NGFR: variants seen among roughly 807,000 people sequenced by gnomAD.
NGFR encodes tumor necrosis factor receptor superfamily member 16.
A neutral mutation model predicts 43.2 loss-of-function variants in NGFR; 30 were observed. That is an observed-to-expected ratio of 0.69 (90% confidence interval 0.52 to 0.94). The LOEUF (loss-of-function observed/expected upper bound fraction) is 0.94. Among genes scored for constraint, NGFR ranks in the 40% least tolerant of loss-of-function variants. The pLI is 0.00. For missense variants in NGFR, 529 were observed against 602.5 expected (o/e 0.88, Z 1.28); for synonymous variants, 246 against 259.6 (o/e 0.95, Z 0.50).
In NGFR at chr17:49,512,229, G is replaced by A. The variant is rs1423172519; in HGVS notation, c.982+177G>A. Among the ~76,000 whole-genome samples, 2 of 152,212 alleles carry A rather than the reference G, an allele frequency of 1.3e-5. No homozygotes were observed. Among genetic ancestry groups the A allele is most frequent in the African/African-American group, 4.8e-5 (2 of 41,446 alleles). On this transcript the variant is annotated intron_variant, in intron 5 of 5. Transcript: ENST00000172229. This position sits in a 1 kb window ranked among gnomAD's most constrained non-coding sequence, Gnocchi z 5.2. ...TGGGAGGGAGAGGTCCTCTCTAGAGGAACGACTTGGGAAATGGAGGCTTTT... is the reference window on the plus strand; with the variant it reads ...TGGGAGGGAGAGGTCCTCTCTAGAGAAACGACTTGGGAAATGGAGGCTTTT...
At chr17:49,503,527 C>A (rs972688052) in intron 2 of NGFR, among the ~76,000 whole-genome samples, 3 of 152,196 alleles carry the variant, frequency 2.0e-5, no homozygotes, top group Non-Finnish European at 4.4e-5. Flanking sequence ...TCTGAACCCA[C>A]CTGCGGACCT....
intron 2 of NGFR, 89 bp downstream of exon 2, chr17:49,502,293 C>T (rs1452453601): frequency 7.8e-6 from 11 of 1,403,632 alleles, no homozygotes; most frequent in African/African-American, 1.4e-5. Flanking sequence ...GAAGCATGCC[C>T]AGTAGAGGCC....
rs1350947199 is a variant in NGFR, at chr17:49,506,499, T to A, written c.409T>A (p.Ser137Thr). The change falls in exon 3 of 6, where the codon TCC becomes ACC. Residue 137 changes from serine to threonine, a missense_variant. Physicochemically the swap from Ser to Thr is moderately conservative, Grantham distance 58. Transcript: ENST00000172229. ...VCEAGSGLVF[S>T]CQDKQNTVCE... ...CGAGGCGGGCTCGGGCCTCGTGTTCTCCTGCCAGGACAAGCAGAACACCGT... is the reference window on the plus strand; with the variant it reads ...CGAGGCGGGCTCGGGCCTCGTGTTCACCTGCCAGGACAAGCAGAACACCGT... The A allele has an allele frequency of 1.2e-6, 2 of 1,611,270 alleles. No homozygotes were observed. The highest frequency in any genetic ancestry group is 1.7e-6 in the Non-Finnish European group (2 of 1,179,528).
At chr17:49,502,277 T>G in intron 2 of NGFR, 73 bp downstream of exon 2, 2 of 1,475,174 alleles carry the variant, frequency 1.4e-6, no homozygotes, top group Non-Finnish European at 1.8e-6. Flanking sequence ...GGAGGGGCGC[T>G]GGGGAGAAGC....
At chr17:49,505,018 C>T (rs1019239251) in intron 2 of NGFR, among the ~76,000 whole-genome samples, 1 of 152,118 alleles carries the variant, frequency 6.6e-6, no homozygotes, top group East Asian at 1.9e-4. Context: ...GTGATCTGCT[C>T]GCCTTGGCCT....
At chr17:49,499,654 C>T (rs2071156459) in intron 1 of NGFR, among the ~76,000 whole-genome samples, 1 of 152,162 alleles carries the variant, frequency 6.6e-6, no homozygotes, top group African/African-American at 2.4e-5. Flanking sequence ...GTGGCACGAT[C>T]TCGACTCACT....
In NGFR at chr17:49,512,169, C is replaced by A; in HGVS notation, c.982+117C>A. 7.8e-7 allele frequency: 1 copy of A among 1,275,216 alleles called. No individual in the cohort carries two copies. 79.0% of individuals were successfully genotyped at this position (1,275,216 alleles called of 1,614,324 possible). A position where few individuals can be genotyped will look rare whatever the true frequency, so the allele number is the denominator to read the frequency against. On this transcript the variant is annotated intron_variant, in intron 5 of 5. Coordinates refer to ENST00000172229, the MANE Select transcript of NGFR (RefSeq NM_002507.4). This position sits in a 1 kb window ranked among gnomAD's most constrained non-coding sequence, Gnocchi z 5.2. ...GGCGGCAGGGCTGGCTCAGCGGTGC[C>A]CCTGTAGATGGATGGAGAGGCTGGC...
intron 4 of NGFR, 33 bp from the exon 5 acceptor site, chr17:49,511,859 C>A (rs1359572138): frequency 6.5e-7 from 1 of 1,549,922 alleles, no homozygotes; most frequent in Non-Finnish European, 8.7e-7. Flanking sequence ...CAGCCCCTCG[C>A]CCCCTGAAAC....
intron 1 of NGFR, among the ~76,000 whole-genome samples, chr17:49,499,495 G>A (rs770584506): frequency 5.3e-5 from 8 of 152,308 alleles, no homozygotes; most frequent in African/African-American, 1.7e-4. Context: ...TCAGAGTGGC[G>A]TGAGAGCTCA....
Position 49,513,532 on chromosome 17 carries a change from C to T in NGFR, c.*523C>T, listed in dbSNP as rs558274908. On this transcript the variant is annotated 3_prime_UTR_variant, in exon 6 of 6. Transcript: ENST00000172229. ...CACCCCAGCCTAAGATGAAGAGGAT[C>T]GGAGGCTTGTCAGAGCTGGGAGGGG... 15 of 154,806 alleles carry T rather than the reference C, an allele frequency of 9.7e-5. No homozygotes were observed. The highest frequency in any genetic ancestry group is 6.1e-4 in the South Asian group (3 of 4,922). The allele number at this position is 154,806 out of a possible 1,614,324, so 9.6% of individuals were successfully genotyped here. A position where few individuals can be genotyped will look rare whatever the true frequency, so the allele number is the denominator to read the frequency against.
intron 1 of NGFR, among the ~76,000 whole-genome samples, chr17:49,499,762 T>C (rs1189584376): frequency 6.6e-6 from 1 of 152,024 alleles, no homozygotes; most frequent in Non-Finnish European, 1.5e-5. Flanking sequence ...TAATATTTTG[T>C]ATTTTTAGTA....
At chr17:49,501,999 A>AGCCCCCCCCCCCCC in intron 1 of NGFR, 64 bp from the exon 2 acceptor site, 6 of 330,984 alleles carry the variant, frequency 1.8e-5, no homozygotes, top group East Asian at 6.4e-5. Flanking sequence ...TCCCCGGAAG[A>AGCCCCCCCCCCCCC]ACCCCCCCCA....
rs1284581495 is a variant in NGFR, at chr17:49,514,675, AG to A, written c.*1670del. On this transcript the variant is annotated 3_prime_UTR_variant, in exon 6 of 6. Coordinates refer to ENST00000172229, the MANE Select transcript of NGFR (RefSeq NM_002507.4). ...AATTCTTTGACCTCAACCTGTGATG[AG>A]GGGAGGAAACTCACCTGCTGGCCCC... 2 of 152,138 alleles carry A rather than the reference AG, an allele frequency of 1.3e-5. No homozygotes were observed. The highest frequency in any genetic ancestry group is 3.9e-4 in the East Asian group (2 of 5,160). 9.4% of individuals were successfully genotyped at this position (152,138 alleles called of 1,614,324 possible).
At chr17:49,511,751 G>A (rs961134946) in intron 4 of NGFR, 141 bp from the exon 5 acceptor site, 2 of 971,840 alleles carry the variant, frequency 2.1e-6, no homozygotes, top group Non-Finnish European at 2.9e-6. Context: ...TGTGCAAAGA[G>A]GAGCCTTAGA....
intron 1 of NGFR, among the ~76,000 whole-genome samples, chr17:49,501,431 A>G (rs2071166321): frequency 6.6e-6 from 1 of 152,196 alleles, no homozygotes; most frequent in African/African-American, 2.4e-5. Flanking sequence ...ACTCAGAGGG[A>G]AGATGGGCAA....
At chr17:49,504,925 C>T (rs956750751) in intron 2 of NGFR, among the ~76,000 whole-genome samples, 1 of 152,076 alleles carries the variant, frequency 6.6e-6, no homozygotes, top group Non-Finnish European at 1.5e-5. Context: ...ACGTGCACCA[C>T]TACACCCAGC....
rs2071240065 is a variant in NGFR at position 49,512,500 on chromosome 17, G to A, written c.983-208G>A. ...GGGAAGAGAGGAGGGATGGGGATAG[G>A]GATTGGGCTGGAGTGACAGGAGGAA... On this transcript the variant is annotated intron_variant, in intron 5 of 5. Transcript: ENST00000172229. The surrounding 1 kb of genome is among the most constrained non-coding windows in gnomAD (Gnocchi z 5.2). 6.6e-6 allele frequency among the ~76,000 whole-genome samples: 1 copy of A among 152,136 alleles called. No individual in the cohort carries two copies. The highest frequency in any genetic ancestry group is 2.1e-4 in the South Asian group (1 of 4,826).
rs531801447 is a variant in NGFR at position 49,506,468 on chromosome 17, C to T, written c.378C>T (p.Arg126=). 4 of 1,609,788 alleles carry T rather than the reference C, an allele frequency of 2.5e-6. No individual in the cohort carries two copies. The highest frequency in any genetic ancestry group is 2.7e-5 in the African/African-American group (2 of 74,950). The change falls in exon 3 of 6, where the codon CGC becomes CGT. Residue 126 remains arginine, a synonymous_variant. Transcript: ENST00000172229. ...DETTGRCEAC[R]VCEAGSGLVF... ...CGACTGGGCGCTGCGAGGCGTGCCG[C>T]GTGTGCGAGGCGGGCTCGGGCCTCG...
Position 49,511,882 on chromosome 17 carries a change from C to G in NGFR, c.822-10C>G, listed in dbSNP as rs201225032. 648 of 1,596,876 alleles carry G rather than the reference C, an allele frequency of 4.1e-4. 2 individuals carry two copies. The African/African-American group carries it at 8.1e-3, about 20-fold the overall frequency. On this transcript the variant is annotated splice_polypyrimidine_tract_variant and intron_variant, in intron 4 of 5. Transcript: ENST00000172229. ...CGCCCCCTGAAACCTGGCCTGTCCT[C>G]TGGCTCCAGGTGGAACAGCTGCAAG...
Sources: gnomAD v4.1 joint callset for allele counts (sites outside exome capture counted in the v4.1 genomes callset) on GRCh38, gnomAD v4.1.1 for gene constraint, Gnocchi (gnomAD v3.1) non-coding constraint, MANE v1.5 for transcripts, NCBI Gene and HGNC (gene_info 2026-07-23, HGNC 2026-07-21) for gene names.